Variants in FABP3 observed in about 807,000 individuals in gnomAD.
The protein encoded by FABP3 is fatty acid-binding protein, heart.
A neutral mutation model predicts 13.4 loss-of-function variants in FABP3; 8 were observed. That is an observed-to-expected ratio of 0.60 (90% CI 0.35 to 1.07). FABP3 has a LOEUF of 1.07. FABP3 is among the 50% of genes least tolerant of loss of function. FABP3 has a pLI of 0.02. For synonymous variants in FABP3, 64 were observed against 60.0 expected, an observed-to-expected ratio of 1.07 and a Z score of -0.31; for missense variants, 135 against 164.7, an observed-to-expected ratio of 0.82 and a Z score of 0.99.
At chr1:31,367,304 A>C in intron 3 of FABP3, 89 bp downstream of exon 3, 1 of 1,046,368 alleles carries the variant, frequency 9.6e-7, no homozygotes, top group Non-Finnish European at 1.5e-6. Context: ...TACAGCTCTC[A>C]GGGGAGGACT....
intron 3 of FABP3, 114 bp downstream of exon 3, chr1:31,367,275 ACTCT>A: frequency 1.2e-6 from 1 of 841,036 alleles, no homozygotes; most frequent in African/African-American, 1.7e-5. Context: ...ACCCACAACC[ACTCT>A]CTTGTCCCAG....
intron 2 of FABP3, 129 bp from the exon 3 acceptor site, chr1:31,367,623 C>T: frequency 1.3e-6 from 1 of 753,364 alleles, no homozygotes; most frequent in Non-Finnish European, 2.3e-6. Flanking sequence ...AGGACAAGAG[C>T]TCAGGCAATC....
At position 31,365,824 on chromosome 1, in the gene FABP3, T is replaced by C; in HGVS notation, c.*62A>G. ...AAATGCAGAGGAAGAAATGAGGCAA[T>C]GTGGTGCTGAGTCGAGGGGTAGCCG... is the stretch of plus-strand genomic sequence containing the variant. On this transcript the variant is annotated 3_prime_UTR_variant, in exon 4 of 4. Transcript: ENST00000373713. 7.0e-7 allele frequency: 1 copy of C among 1,430,494 alleles called. No homozygotes were observed. The highest frequency in any genetic ancestry group is 1.7e-5 in the Admixed American group (1 of 59,278). 88.6% of individuals were successfully genotyped at this position (1,430,494 alleles called of 1,614,324 possible).
chr1:31,364,181 G>A, downstream of FABP3: 1 of 1,613,442 alleles, frequency 6.2e-7, no homozygotes, highest in Non-Finnish European at 8.5e-7. Context: ...ACAAGAAGAA[G>A]CACAAGGAGT....
chr1:31,366,981 ACTT>A (rs1277465386), intron 3 of FABP3, among the ~76,000 whole-genome samples: 2 of 152,156 alleles, frequency 1.3e-5, no homozygotes, highest in Non-Finnish European at 2.9e-5. Context: ...CCTGTTTTCT[ACTT>A]CTTCCTGAGG....
rs1340003321 is a variant in FABP3, at chr1:31,367,456, C to T, written c.285G>A (p.Leu95=). Residue 95 remains leucine, a synonymous_variant, in exon 3 of 4, where the codon CTG becomes CTA. Coordinates refer to ENST00000373713, the MANE Select transcript of FABP3 (RefSeq NM_004102.5). Reference sequence around the variant, plus strand: ...TGGTCTCTTGCCCGTCCCATTTCTGCAGGTGAACAAGTTTCCCTCCATCCA... The same window carrying T: ...TGGTCTCTTGCCCGTCCCATTTCTGTAGGTGAACAAGTTTCCCTCCATCCA... ...VTLDGGKLVH[L]QKWDGQETTL... 2.4e-5 allele frequency: 39 copies of T among 1,614,080 alleles called. No homozygotes were observed. Among genetic ancestry groups the T allele is most frequent in the Non-Finnish European group, 3.2e-5 (38 of 1,180,024 alleles).
At chr1:31,370,799 G>A (rs771573365) in intron 1 of FABP3, among the ~76,000 whole-genome samples, 24 of 152,304 alleles carry the variant, frequency 1.6e-4, no homozygotes, top group Admixed American at 8.5e-4. Flanking sequence ...TGTCTTCCAA[G>A]GCAAAGGTGA....
intron 3 of FABP3, 22 bp from the exon 4 acceptor site, chr1:31,365,961 G>A: frequency 6.2e-7 from 1 of 1,612,532 alleles, no homozygotes; most frequent in South Asian, 1.1e-5. Context: ...GACAGAGTGA[G>A]ATGGGGGGTG....
At position 31,365,702 on chromosome 1, in the gene FABP3, G is replaced by C; in HGVS notation, c.*184C>G. 1.0e-5 allele frequency: 5 copies of C among 488,028 alleles called. No homozygotes were observed. The highest frequency in any genetic ancestry group is 8.7e-5 in the South Asian group (4 of 45,750). 30.2% of individuals were successfully genotyped at this position (488,028 alleles called of 1,614,324 possible). On this transcript the variant is annotated 3_prime_UTR_variant, in exon 4 of 4. Transcript: ENST00000373713. ...GACCTCAGAGCACCCTATGAGTGCA[G>C]TTAAAAAAAAAAAAAAAAAACCACA...
At chr1:31,369,237 C>A in intron 2 of FABP3, 148 bp downstream of exon 2, 1 of 845,294 alleles carries the variant, frequency 1.2e-6, no homozygotes, top group Non-Finnish European at 1.9e-6. Context: ...CATTCCAGCA[C>A]TACACAGGCT....
At position 31,365,807 on chromosome 1, in the gene FABP3, A is replaced by C; in HGVS notation, c.*79T>G. 1 of 1,301,452 alleles carries C rather than the reference A, an allele frequency of 7.7e-7. No individual in the cohort carries two copies. Among genetic ancestry groups the C allele is most frequent in the Non-Finnish European group, 1.1e-6 (1 of 900,324 alleles). The allele number at this position is 1,301,452 out of a possible 1,614,324, so 80.6% of individuals were successfully genotyped here. A position where few individuals can be genotyped will look rare whatever the true frequency, so the allele number is the denominator to read the frequency against. ...ATTCGTGGATTTGTACAAAATGCAG[A>C]GGAAGAAATGAGGCAATGTGGTGCT... On this transcript the variant is annotated 3_prime_UTR_variant, in exon 4 of 4. Transcript: ENST00000373713.
downstream of FABP3, among the ~76,000 whole-genome samples, chr1:31,365,147 C>T (rs1354710384): frequency 6.6e-6 from 1 of 152,156 alleles, no homozygotes; most frequent in African/African-American, 2.4e-5. Context: ...ATCAGATGCC[C>T]TCTTCCCTCA....
At chr1:31,369,805 G>A (rs1329086366) in intron 1 of FABP3, among the ~76,000 whole-genome samples, 1 of 152,130 alleles carries the variant, frequency 6.6e-6, no homozygotes, top group Non-Finnish European at 1.5e-5. Context: ...GCAGAGCTGG[G>A]ATTAGAATAA....
Position 31,370,377 on chromosome 1 carries a change from A to G in FABP3, c.74-820T>C, listed in dbSNP as rs191353472. ...CTGAAAAGCTCTCAAAGCCTTAGGA[A>G]TAAGGCTGAGGAAAGAAGAGAAACA... On this transcript the variant is annotated intron_variant, in intron 1 of 3. Transcript: ENST00000373713. 1.4e-3 allele frequency among the ~76,000 whole-genome samples: 215 copies of G among 152,320 alleles called. 1 individual carries two copies. The highest frequency in any genetic ancestry group is 4.1e-3 in the African/African-American group (171 of 41,576).
intron 3 of FABP3, 25 bp from the exon 4 acceptor site, chr1:31,365,964 G>T (rs374764850): frequency 1.5e-5 from 24 of 1,608,412 alleles, no homozygotes; most frequent in East Asian, 1.3e-4. Context: ...AGAGTGAGAT[G>T]GGGGGTGGAG....
intron 1 of FABP3, among the ~76,000 whole-genome samples, 196 bp downstream of exon 1, chr1:31,372,746 C>T (rs1219130009): frequency 6.6e-6 from 1 of 152,192 alleles, no homozygotes; most frequent in Non-Finnish European, 1.5e-5. Context: ...CACCTCCCTA[C>T]CGTGGTCTCT....
Position 31,372,812 on chromosome 1 carries a change from A to T in FABP3, c.73+130T>A, listed in dbSNP as rs527918693. 2.9e-5 allele frequency: 25 copies of T among 864,916 alleles called. No individual in the cohort carries two copies. In the South Asian group the frequency reaches 3.8e-4, roughly 13 times the overall value. 53.6% of individuals were successfully genotyped at this position (864,916 alleles called of 1,614,324 possible). On this transcript the variant is annotated intron_variant, in intron 1 of 3. Coordinates refer to ENST00000373713, the MANE Select transcript of FABP3 (RefSeq NM_004102.5). ...GAACAGGCCCCACCTGCTCTAGGCC[A>T]GGCTGCCATCTCCGCGCTCCCCTAT...
chr1:31,367,304 A>G lies in FABP3; in HGVS notation c.348+89T>C, dbSNP rs998935608. 4 of 1,046,250 alleles carry G rather than the reference A, an allele frequency of 3.8e-6. No individual in the cohort carries two copies. The African/African-American group carries it at 6.2e-5, about 16-fold the overall frequency. 64.8% of individuals were successfully genotyped at this position (1,046,250 alleles called of 1,614,324 possible). A position where few individuals can be genotyped will look rare whatever the true frequency, so the allele number is the denominator to read the frequency against. On this transcript the variant is annotated intron_variant, in intron 3 of 3. Transcript: ENST00000373713. ...TCTTGTCCCAGCTTCTACAGCTCTC[A>G]GGGGAGGACTTGGCTTTTTAGAACA...
intron 1 of FABP3, 59 bp downstream of exon 1, chr1:31,372,883 G>A: frequency 6.6e-7 from 1 of 1,517,578 alleles, no homozygotes; most frequent in South Asian, 1.1e-5. Context: ...GCTGCGTGGG[G>A]CTAGGCACGC....
Sources: allele counts gnomAD v4.1 joint callset (sites outside exome capture counted in the v4.1 genomes callset), GRCh38; gene constraint gnomAD v4.1.1; transcripts MANE v1.5; gene names NCBI Gene and HGNC (gene_info 2026-07-23, HGNC 2026-07-21).